Variants in NCKAP5 observed in about 807,000 individuals in gnomAD.
NCKAP5 encodes nck-associated protein 5.
A neutral mutation model predicts 167.0 loss-of-function variants in NCKAP5; 92 were observed. The ratio of observed to expected loss-of-function variants is 0.55; its 90% confidence interval spans 0.47 to 0.66. NCKAP5 has a LOEUF of 0.66. Ranked by LOEUF, NCKAP5 falls within the 30% of genes least tolerant of loss-of-function variation. NCKAP5 has a pLI of 0.00. For synonymous variants in NCKAP5, 891 were observed against 877.4 expected (o/e 1.02, Z -0.27); for missense variants, 2,378 against 2,315.0 (o/e 1.03, Z -0.56).
At chr2:133,204,411 T>C (rs2085850103) in intron 5 of NCKAP5, among the ~76,000 whole-genome samples, 1 of 152,218 alleles carries the variant, frequency 6.6e-6, no homozygotes, top group Non-Finnish European at 1.5e-5. Flanking sequence ...GTGTGTTATT[T>C]CCATACATGT....
chr2:133,432,594 T>G (rs1373594234), intron 3 of NCKAP5, among the ~76,000 whole-genome samples: 2 of 152,152 alleles, frequency 1.3e-5, no homozygotes, highest in African/African-American at 2.4e-5. Context: ...GTCTTTTAAA[T>G]AATGAAACTG....
intron 5 of NCKAP5, among the ~76,000 whole-genome samples, chr2:133,199,520 G>T (rs1006816055): frequency 6.6e-6 from 1 of 151,950 alleles, no homozygotes; most frequent in Non-Finnish European, 1.5e-5. Context: ...TAATGCCTGA[G>T]ATATAAATAC....
chr2:133,097,023 T>C (rs957130386), intron 6 of NCKAP5, among the ~76,000 whole-genome samples: 5 of 152,224 alleles, frequency 3.3e-5, no homozygotes, highest in African/African-American at 4.8e-5. Context: ...AATACAAATC[T>C]AGCTGGGCAC....
intron 6 of NCKAP5, among the ~76,000 whole-genome samples, chr2:132,997,459 T>C (rs1573680612): frequency 6.6e-6 from 1 of 152,216 alleles, no homozygotes; most frequent in African/African-American, 2.4e-5. Flanking sequence ...ACTTTTAACT[T>C]GACAAAGAAC....
chr2:133,521,182 A>AG (rs533659258), intron 2 of NCKAP5, among the ~76,000 whole-genome samples: 26 of 152,308 alleles, frequency 1.7e-4, no homozygotes, highest in African/African-American at 5.1e-4. Flanking sequence ...CTGCAGATCC[A>AG]GGGGGGAAAT....
At chr2:133,188,279 A>G (rs895884749) in intron 5 of NCKAP5, among the ~76,000 whole-genome samples, 1 of 152,100 alleles carries the variant, frequency 6.6e-6, no homozygotes, top group Non-Finnish European at 1.5e-5. Context: ...CCAGATTCAT[A>G]AAGCAAGTCC....
chr2:132,729,185 A>T (rs1690751458), intron 17 of NCKAP5, among the ~76,000 whole-genome samples: 1 of 152,240 alleles, frequency 6.6e-6, no homozygotes, highest in Admixed American at 6.5e-5. Context: ...AACTGTTCTT[A>T]GACTACTTTT....
chr2:132,923,964 G>C (rs1376681281), intron 8 of NCKAP5, among the ~76,000 whole-genome samples: 1 of 152,196 alleles, frequency 6.6e-6, no homozygotes, highest in Non-Finnish European at 1.5e-5. Context: ...AGCCCAGTTA[G>C]CCTGAGTGAG....
chr2:133,484,560 A>C (rs1680738496), intron 3 of NCKAP5, among the ~76,000 whole-genome samples: 1 of 152,210 alleles, frequency 6.6e-6, no homozygotes, highest in Non-Finnish European at 1.5e-5. Context: ...CCCTAATCCC[A>C]AAATCCAAAA....
intron 5 of NCKAP5, among the ~76,000 whole-genome samples, chr2:133,177,430 T>C (rs1412210139): frequency 6.6e-6 from 1 of 152,088 alleles, no homozygotes; most frequent in Non-Finnish European, 1.5e-5. Context: ...AGTAATGTAC[T>C]GTCCAAGCCA....
chr2:133,169,088 C>A (rs375031008), intron 5 of NCKAP5, among the ~76,000 whole-genome samples: 1 of 152,176 alleles, frequency 6.6e-6, no homozygotes, highest in Admixed American at 6.5e-5. Context: ...GAAAAATATA[C>A]CAGCATCTGT....
At chr2:133,133,265 T>G (rs1307892937) in intron 5 of NCKAP5, among the ~76,000 whole-genome samples, 1 of 152,116 alleles carries the variant, frequency 6.6e-6, no homozygotes, top group Non-Finnish European at 1.5e-5. Context: ...GGACCACATT[T>G]CCACAGCAAC....
At chr2:133,649,173 T>C in the NCKAP5 span, among the ~76,000 whole-genome samples, 1 of 147,386 alleles carries the variant, frequency 6.8e-6, no homozygotes, top group South Asian at 2.2e-4. Flanking sequence ...ATATAACCTA[T>C]CAAGACGAAA....
chr2:133,034,433 C>T (rs1017033015), intron 6 of NCKAP5, among the ~76,000 whole-genome samples: 1 of 151,996 alleles, frequency 6.6e-6, no homozygotes, highest in African/African-American at 2.4e-5. Context: ...AGGTACAAAA[C>T]TCAACATTTA....
At chr2:133,231,711 A>G (rs1239052315) in intron 4 of NCKAP5, among the ~76,000 whole-genome samples, 2 of 152,200 alleles carry the variant, frequency 1.3e-5, no homozygotes, top group African/African-American at 4.8e-5. Context: ...AACGGTACCT[A>G]TGACTGCTTT....
chr2:132,885,901 C>G (rs1692179087), intron 8 of NCKAP5, among the ~76,000 whole-genome samples: 3 of 152,376 alleles, frequency 2.0e-5, no homozygotes, highest in Non-Finnish European at 4.4e-5. Flanking sequence ...CATAACATAA[C>G]AGCTCCGCTG....
At chr2:133,394,014 T>G in intron 3 of NCKAP5, among the ~76,000 whole-genome samples, 1 of 152,206 alleles carries the variant, frequency 6.6e-6, no homozygotes, top group Middle Eastern at 3.2e-3. Context: ...ACCACTTACT[T>G]TGTAACCAGC....
At chr2:132,805,432 A>G (rs1685353115) in intron 11 of NCKAP5, among the ~76,000 whole-genome samples, 1 of 152,230 alleles carries the variant, frequency 6.6e-6, no homozygotes, top group Non-Finnish European at 1.5e-5. Context: ...ACTGCATAGA[A>G]TTAAAAAATA....
chr2:132,992,613 T>C (rs950107900), intron 7 of NCKAP5, among the ~76,000 whole-genome samples: 1 of 152,208 alleles, frequency 6.6e-6, no homozygotes, highest in African/African-American at 2.4e-5. Flanking sequence ...CATTTTTTAC[T>C]TACACCTCAA....
Sources: allele counts gnomAD v4.1 joint callset (sites outside exome capture counted in the v4.1 genomes callset), GRCh38; gene constraint gnomAD v4.1.1; transcripts MANE v1.5; gene names NCBI Gene and HGNC (gene_info 2026-07-23, HGNC 2026-07-21).